Variants in CHRM3 observed in about 807,000 individuals in gnomAD.
The protein encoded by CHRM3 is muscarinic acetylcholine receptor M3.
Under a neutral mutation model 41.8 loss-of-function variants are expected in CHRM3, and 11 were observed. The ratio of observed to expected loss-of-function variants is 0.26; its 90% CI spans 0.17 to 0.44. CHRM3 has a LOEUF of 0.44. CHRM3 is among the 20% of genes least tolerant of loss of function. The pLI, the probability that CHRM3 is intolerant of heterozygous loss-of-function variation, is 1.00. For synonymous variants in CHRM3, 297 were observed against 301.4 expected (o/e 0.99, Z 0.15); for missense variants, 571 against 745.4 (o/e 0.77, Z 2.72).
At chr1:239,498,330 TACTC>T (rs1030269931) in intron 2 of CHRM3, among the ~76,000 whole-genome samples, 1 of 152,208 alleles carries the variant, frequency 6.6e-6, no homozygotes, top group African/African-American at 2.4e-5. Context: ...ATATGAGTGT[TACTC>T]ACATGCACTC....
At chr1:239,734,917 T>C (rs1664274175) in intron 5 of CHRM3, among the ~76,000 whole-genome samples, 1 of 152,156 alleles carries the variant, frequency 6.6e-6, no homozygotes, top group African/African-American at 2.4e-5. Context: ...TTTGTGTATG[T>C]TGGAAATTTT....
At chr1:239,731,548 A>G (rs1663966344) in intron 5 of CHRM3, among the ~76,000 whole-genome samples, 1 of 151,848 alleles carries the variant, frequency 6.6e-6, no homozygotes, top group African/African-American at 2.4e-5. Flanking sequence ...CATTTTTTTC[A>G]TGTGAGCAAG....
intron 5 of CHRM3, among the ~76,000 whole-genome samples, chr1:239,792,688 G>A (rs1423491587): frequency 2.0e-5 from 3 of 152,194 alleles, no homozygotes; most frequent in Non-Finnish European, 4.4e-5. Flanking sequence ...CTTAGGACTT[G>A]AATGAATTTT....
chr1:239,905,549 T>C (rs1225395353), intron 6 of CHRM3, among the ~76,000 whole-genome samples: 1 of 151,896 alleles, frequency 6.6e-6, no homozygotes, highest in African/African-American at 2.4e-5. Flanking sequence ...CTACTAAAAA[T>C]ACAAAAATTA....
chr1:239,763,768 C>CCTTTT (rs1215458558), intron 5 of CHRM3, among the ~76,000 whole-genome samples: 2 of 151,822 alleles, frequency 1.3e-5, no homozygotes, highest in African/African-American at 4.8e-5. Flanking sequence ...CAATTTAAGA[C>CCTTTT]CTTTTCTCTC....
At chr1:239,795,109 G>T (rs1453802057) in intron 5 of CHRM3, among the ~76,000 whole-genome samples, 1 of 152,040 alleles carries the variant, frequency 6.6e-6, no homozygotes, top group Non-Finnish European at 1.5e-5. Flanking sequence ...TACTTTTTAT[G>T]TGAAAAACAA....
At chr1:239,608,464 G>C (rs1666607021) in intron 3 of CHRM3, among the ~76,000 whole-genome samples, 1 of 152,102 alleles carries the variant, frequency 6.6e-6, no homozygotes, top group African/African-American at 2.4e-5. Flanking sequence ...TGTTTGCAAG[G>C]ATATTTCCTC....
At chr1:239,706,129 T>C (rs533678134) in intron 5 of CHRM3, among the ~76,000 whole-genome samples, 188 of 149,432 alleles carry the variant, frequency 1.3e-3, no homozygotes, top group South Asian at 3.4e-3. Context: ...ATTCATGATA[T>C]ACAACTAAAT....
rs894053589 is a variant in CHRM3, at chr1:239,889,464, A to G, written c.-19-17969A>G. Among the ~76,000 whole-genome samples the G allele has an allele frequency of 3.0e-4, 45 of 152,138 alleles. 1 individual carries two copies. The highest frequency in any genetic ancestry group is 1.1e-3 in the African/African-American group (44 of 41,492). On this transcript the variant is annotated intron_variant, in intron 6 of 6. Transcript: ENST00000676153. The stretch of plus-strand genomic sequence containing the variant: ...CCTGGCCCCTAGGTAGCCCTTTTCT[A>G]TTGGCACAGCTGCCGGCGTTCCCCT...
At chr1:239,450,935 A>G (rs1370749992) in intron 1 of CHRM3, among the ~76,000 whole-genome samples, 1 of 152,234 alleles carries the variant, frequency 6.6e-6, no homozygotes, top group African/African-American at 2.4e-5. Flanking sequence ...TACACCTGTA[A>G]TGCCAGCACT....
intron 1 of CHRM3, among the ~76,000 whole-genome samples, chr1:239,402,191 T>G (rs1558193272): frequency 6.6e-6 from 1 of 152,164 alleles, no homozygotes; most frequent in Admixed American, 6.5e-5. Flanking sequence ...TATTCCACTC[T>G]TCCTACTTTT....
chr1:239,411,499 G>A (rs949922522), intron 1 of CHRM3, among the ~76,000 whole-genome samples: 1 of 151,902 alleles, frequency 6.6e-6, no homozygotes, highest in African/African-American at 2.4e-5. Context: ...GGCCGAGGTG[G>A]GTGGATCATG....
intron 3 of CHRM3, among the ~76,000 whole-genome samples, chr1:239,611,699 A>G (rs59571408): frequency 0.25 from 37,335 of 152,028 alleles, 6,197 homozygotes; most frequent in African/African-American, 0.47. Flanking sequence ...GATTACAGGC[A>G]TGAGCCACCG....
At chr1:239,621,546 CA>C (rs1419949574) in intron 3 of CHRM3, among the ~76,000 whole-genome samples, 7 of 152,130 alleles carry the variant, frequency 4.6e-5, no homozygotes, top group Admixed American at 1.3e-4. Flanking sequence ...AGTGAACACA[CA>C]AATGATAAGA....
intron 3 of CHRM3, among the ~76,000 whole-genome samples, chr1:239,618,136 G>T (rs189807829): frequency 1.3e-5 from 2 of 151,720 alleles, no homozygotes; most frequent in Non-Finnish European, 2.9e-5. Context: ...GACTTATTAC[G>T]TATTTTCCCT....
intron 2 of CHRM3, among the ~76,000 whole-genome samples, chr1:239,512,353 A>G (rs1668979419): frequency 6.6e-6 from 1 of 152,160 alleles, no homozygotes; most frequent in Non-Finnish European, 1.5e-5. Context: ...TCAGTTAAAC[A>G]AATTTTACCC....
At chr1:239,844,770 T>C (rs1489231237) in intron 6 of CHRM3, among the ~76,000 whole-genome samples, 1 of 152,212 alleles carries the variant, frequency 6.6e-6, no homozygotes, top group Non-Finnish European at 1.5e-5. Context: ...TATCTTACCC[T>C]GAATTATTGG....
intron 2 of CHRM3, among the ~76,000 whole-genome samples, chr1:239,496,002 A>G (rs1005708615): frequency 1.9e-4 from 29 of 152,106 alleles, no homozygotes; most frequent in African/African-American, 5.8e-4. Context: ...TTCTGTAGCA[A>G]CTTCTCTGTT....
intron 6 of CHRM3, among the ~76,000 whole-genome samples, chr1:239,895,545 C>A (rs371819351): frequency 7.3e-6 from 1 of 137,008 alleles, no homozygotes; most frequent in Non-Finnish European, 1.5e-5. Flanking sequence ...TTCACAATAG[C>A]AAAGACATGG....
Sources: gnomAD v4.1 joint callset for allele counts (sites outside exome capture counted in the v4.1 genomes callset) on GRCh38, gnomAD v4.1.1 for gene constraint, MANE v1.5 for transcripts, NCBI Gene and HGNC (gene_info 2026-07-23, HGNC 2026-07-21) for gene names.